The following KDM2A variants were observed in gnomAD, a reference collection of about 807,000 sequenced individuals.
The protein encoded by KDM2A is lysine demethylase 2A, also known as lysine-specific demethylase 2A.
KDM2A carries 3 observed loss-of-function variants against 137.3 expected under a neutral mutation model. The ratio of observed to expected loss-of-function variants is 0.02; its 90% confidence interval spans 0.01 to 0.06. The LOEUF (loss-of-function observed/expected upper bound fraction) is 0.06. Among genes scored for constraint, KDM2A ranks in the 10% least tolerant of loss-of-function variants. The pLI, the probability that KDM2A is intolerant of heterozygous loss-of-function variation, is 1.00. For synonymous variants in KDM2A, 512 were observed against 541.5 expected (o/e 0.95, Z 0.76); for missense variants, 738 against 1,510.6 (o/e 0.49, Z 8.48).
At chr11:67,128,757 C>G (rs1004218293) in intron 2 of KDM2A, among the ~76,000 whole-genome samples, 5 of 152,222 alleles carry the variant, frequency 3.3e-5, no homozygotes, top group African/African-American at 9.6e-5. Context: ...AGAGTATAAG[C>G]TTCTTGAGAG....
chr11:67,198,445 G>A (rs1393162239), intron 5 of KDM2A, among the ~76,000 whole-genome samples: 3 of 151,772 alleles, frequency 2.0e-5, no homozygotes, highest in South Asian at 2.1e-4. Context: ...TCATTATGCC[G>A]GGCGCAATGG....
intron 2 of KDM2A, among the ~76,000 whole-genome samples, chr11:67,141,022 G>A (rs1336429622): frequency 6.6e-6 from 1 of 152,062 alleles, no homozygotes; most frequent in African/African-American, 2.4e-5. Context: ...GTCAAAGGTT[G>A]ATAAATACTA....
chr11:67,148,624 AAC>A lies in KDM2A; in HGVS notation c.42+27270_42+27271del, dbSNP rs1454676975. On this transcript the variant is annotated intron_variant, in intron 2 of 20. Transcript: ENST00000529006. ...GAGACCAGCCTGGCTAACATGGTGA[AAC>A]ACAGTCTCTACTAAAAATACGAAAA... Among the ~76,000 whole-genome samples the A allele has an allele frequency of 5.9e-5, 9 of 151,970 alleles. No individual in the cohort carries two copies. The East Asian group carries it at 7.7e-4, about 13-fold the overall frequency.
chr11:67,176,048 T>C (rs1256018907), intron 2 of KDM2A, among the ~76,000 whole-genome samples: 1 of 152,194 alleles, frequency 6.6e-6, no homozygotes, highest in East Asian at 1.9e-4. Flanking sequence ...ATTATTGGTG[T>C]CAGTGAAGTC....
chr11:67,208,941 ATT>A (rs1162233641), intron 6 of KDM2A, among the ~76,000 whole-genome samples: 1 of 148,544 alleles, frequency 6.7e-6, no homozygotes, highest in Non-Finnish European at 1.5e-5. Context: ...ATTATTTATT[ATT>A]TTTTTTTTGA....
At chr11:67,202,743 T>C (rs1857667099) in intron 5 of KDM2A, among the ~76,000 whole-genome samples, 1 of 149,040 alleles carries the variant, frequency 6.7e-6, no homozygotes. Flanking sequence ...GCCACTACGC[T>C]CCAGCCTGGG....
At chr11:67,247,057 AT>A (rs1859251214) in intron 15 of KDM2A, among the ~76,000 whole-genome samples, 2 of 22,614 alleles carry the variant, frequency 8.8e-5, no homozygotes, top group African/African-American at 3.8e-4. Flanking sequence ...ATATATATAT[AT>A]ATATATATAT....
At chr11:67,204,854 TG>T (rs1359848188) in intron 5 of KDM2A, among the ~76,000 whole-genome samples, 14 of 152,328 alleles carry the variant, frequency 9.2e-5, no homozygotes, top group African/African-American at 3.1e-4. Context: ...TTCCTTTTTA[TG>T]GTCGACTATT....
intron 12 of KDM2A, among the ~76,000 whole-genome samples, chr11:67,236,014 A>G (rs932173904): frequency 1.3e-5 from 2 of 152,238 alleles, no homozygotes; most frequent in Admixed American, 1.3e-4. Context: ...GTACCATCCC[A>G]TTAATGTAAG....
intron 2 of KDM2A, 25 bp from the exon 3 acceptor site, chr11:67,180,054 A>G: frequency 6.3e-7 from 1 of 1,597,700 alleles, no homozygotes; most frequent in Non-Finnish European, 8.5e-7. Flanking sequence ...GCATGATTTC[A>G]TCAGTATGTT....
intron 12 of KDM2A, chr11:67,240,507 C>A: frequency 1.4e-6 from 1 of 730,644 alleles, no homozygotes; most frequent in Non-Finnish European, 2.2e-6. Context: ...GTTGCTTGAG[C>A]CGTCATTGCA....
At chr11:67,200,383 T>A (rs1298947794) in intron 5 of KDM2A, among the ~76,000 whole-genome samples, 5 of 152,074 alleles carry the variant, frequency 3.3e-5, no homozygotes, top group Non-Finnish European at 5.9e-5. Context: ...GTCCGGCTAA[T>A]TTTTTTCGTA....
chr11:67,199,979 C>T (rs1269299571), intron 5 of KDM2A, among the ~76,000 whole-genome samples: 1 of 152,138 alleles, frequency 6.6e-6, no homozygotes, highest in Non-Finnish European at 1.5e-5. Context: ...GCTTATTTAC[C>T]ATTCCAAAAT....
chr11:67,119,604 G>T lies in KDM2A; in HGVS notation c.-529G>T, dbSNP rs1190303169. 6.7e-6 allele frequency: 1 copy of T among 149,888 alleles called. No homozygotes were observed. Among genetic ancestry groups the T allele is most frequent in the Non-Finnish European group, 1.5e-5 (1 of 67,234 alleles). The allele number at this position is 149,888 out of a possible 1,614,324, so 9.3% of individuals were successfully genotyped here. On this transcript the variant is annotated 5_prime_UTR_variant, in exon 1 of 21. Transcript: ENST00000529006. ...CCGCTCCCGCCCTGTCCGCCCCCCG[G>T]GGCCGGGGCCCGCGTTCCGGGGGGC...
intron 2 of KDM2A, among the ~76,000 whole-genome samples, chr11:67,133,195 G>C (rs903386009): frequency 6.6e-6 from 1 of 152,156 alleles, no homozygotes; most frequent in African/African-American, 2.4e-5. Flanking sequence ...CGCCTTCAGG[G>C]TTCAAGCACT....
At position 67,231,818 on chromosome 11, in the gene KDM2A, G is replaced by A. The variant is rs202214740; in HGVS notation, c.1337G>A (p.Arg446Gln). 42 of 1,614,040 alleles carry A rather than the reference G, an allele frequency of 2.6e-5. No homozygotes were observed. The East Asian group carries it at 4.2e-4, about 16-fold the overall frequency. The change falls in exon 12 of 21, where the codon CGA (arginine) becomes CAA (glutamine). Residue 446 changes from arginine to glutamine, a missense_variant. Physicochemically the swap from Arg to Gln is conservative, Grantham distance 43. Around this residue, in one of 9 missense-constraint regions of KDM2A, gnomAD observed 113 missense variants for 133.5 expected, o/e 0.85. Transcript: ENST00000529006. ...GTGTGGGATCCCCAGTGTGCTCCCC[G>A]AAAGGACAGGCAAGTGCATCTGACC... ...GQVWDPQCAP[R>Q]KDRQVHLTHF...
chr11:67,179,958 G>A, intron 2 of KDM2A, 121 bp from the exon 3 acceptor site: 1 of 923,678 alleles, frequency 1.1e-6, no homozygotes, highest in Non-Finnish European at 1.6e-6. Flanking sequence ...GATCCATAAG[G>A]CAAGGAAAAT....
chr11:67,218,839 G>T (rs1858246978), intron 9 of KDM2A, among the ~76,000 whole-genome samples: 1 of 152,158 alleles, frequency 6.6e-6, no homozygotes, highest in Non-Finnish European at 1.5e-5. Flanking sequence ...TTGAACTCCT[G>T]ACCTCGTGAT....
At chr11:67,248,428 A>T (rs756389855) in intron 16 of KDM2A, 58 bp downstream of exon 16, 34 of 1,198,002 alleles carry the variant, frequency 2.8e-5, no homozygotes, top group Non-Finnish European at 3.8e-5. Flanking sequence ...AATGTGGGGG[A>T]TTGCTACACG....
Sources: gnomAD v4.1 joint callset for allele counts (sites outside exome capture counted in the v4.1 genomes callset) on GRCh38, gnomAD v4.1.1 for gene constraint, gnomAD v4.1.1 regional missense constraint, MANE v1.5 for transcripts, NCBI Gene and HGNC (gene_info 2026-07-23, HGNC 2026-07-21) for gene names.